The following COG5 variants were observed in gnomAD, a reference collection of about 807,000 sequenced individuals.
COG5 encodes the protein conserved oligomeric Golgi complex subunit 5.
Under a neutral mutation model 110.4 loss-of-function variants are expected in COG5, and 86 were observed. The observed-to-expected ratio is 0.78, with a 90% CI of 0.65 to 0.93. The LOEUF (loss-of-function observed/expected upper bound fraction) is 0.93. Ranked by LOEUF, COG5 falls within the 40% of genes least tolerant of loss-of-function variation. COG5 has a pLI of 0.00. For missense variants in COG5, 1,077 were observed against 987.0 expected (o/e 1.09, Z -1.22); for synonymous variants, 360 against 334.6 (o/e 1.08, Z -0.83).
rs543844999 is a variant in COG5, at chr7:107,525,459, G to C, written c.538+1778C>G. ...GTGCACAGATATTAAATGTGATAGA[G>C]CAAAACAGTGGCTGATACTTGGATT... On this transcript the variant is annotated intron_variant, in intron 6 of 21. Transcript: ENST00000297135. Among the ~76,000 whole-genome samples, 5 of 152,146 alleles carry C rather than the reference G, an allele frequency of 3.3e-5. No homozygotes were observed. In the East Asian group the frequency reaches 5.8e-4, roughly 18 times the overall value.
At chr7:107,355,993 T>C (rs1021577443) in intron 10 of COG5, among the ~76,000 whole-genome samples, 3 of 152,236 alleles carry the variant, frequency 2.0e-5, no homozygotes, top group East Asian at 1.9e-4. Context: ...TATAGTCCCA[T>C]GGTTCTTGCA....
intron 10 of COG5, among the ~76,000 whole-genome samples, chr7:107,353,492 A>G (rs909043136): frequency 6.6e-6 from 1 of 152,122 alleles, no homozygotes; most frequent in East Asian, 1.9e-4. Flanking sequence ...TTAAAATGCC[A>G]AAATAATATG....
intron 17 of COG5, among the ~76,000 whole-genome samples, chr7:107,238,123 CT>C (rs1801342009): frequency 6.6e-6 from 1 of 152,132 alleles, no homozygotes; most frequent in African/African-American, 2.4e-5. Flanking sequence ...CTAACTGCAA[CT>C]TTGTACCCTT....
intron 19 of COG5, among the ~76,000 whole-genome samples, chr7:107,227,266 T>C (rs1800408874): frequency 6.6e-6 from 1 of 152,188 alleles, no homozygotes; most frequent in Admixed American, 6.5e-5. Context: ...ACCATACATA[T>C]GGGTGTCCAT....
chr7:107,277,452 C>G (rs762970387), intron 14 of COG5, among the ~76,000 whole-genome samples: 1 of 152,096 alleles, frequency 6.6e-6, no homozygotes, highest in Non-Finnish European at 1.5e-5. Flanking sequence ...AACAAGAGAA[C>G]AACAACAGTG....
intron 6 of COG5, among the ~76,000 whole-genome samples, chr7:107,428,262 G>T (rs990959235): frequency 6.6e-6 from 1 of 152,114 alleles, no homozygotes; most frequent in Non-Finnish European, 1.5e-5. Flanking sequence ...TGTCTGCTTA[G>T]GATTTGTCTG....
In COG5 at chr7:107,202,739, A is replaced by C. The variant is rs1252736959; in HGVS notation, c.*777T>G. On this transcript the variant is annotated 3_prime_UTR_variant, in exon 22 of 22. Coordinates refer to ENST00000297135, the MANE Select transcript of COG5 (RefSeq NM_006348.5). ...AAAATAAGGACTTAGATTATCTACT[A>C]TTTATAGAGAATTGCTATACAATAA... The C allele has an allele frequency of 2.6e-5, 4 of 152,180 alleles. No homozygotes were observed. Among genetic ancestry groups the C allele is most frequent in the Admixed American group, 1.3e-4 (2 of 15,284 alleles). The allele number at this position is 152,180 out of a possible 1,614,324, so 9.4% of individuals were successfully genotyped here.
chr7:107,352,201 T>C lies in COG5; in HGVS notation c.1026+9832A>G, dbSNP rs535176648. On this transcript the variant is annotated intron_variant, in intron 10 of 21. Transcript: ENST00000297135. ...GGAAACCATCATTCTCAGCAAACTA[T>C]CTCAAGGACAAAAAACCAAACACCG... 7.5e-5 allele frequency among the ~76,000 whole-genome samples: 11 copies of C among 146,510 alleles called. 1 individual carries two copies. The East Asian group carries it at 1.0e-3, about 14-fold the overall frequency.
intron 11 of COG5, among the ~76,000 whole-genome samples, chr7:107,302,773 T>C (rs1233173402): frequency 6.6e-6 from 1 of 152,134 alleles, no homozygotes; most frequent in Non-Finnish European, 1.5e-5. Context: ...ACTACAAAAG[T>C]AGTAGTTTCT....
chr7:107,209,718 C>T lies in COG5; in HGVS notation c.2375+808G>A, dbSNP rs145798316. The stretch of plus-strand genomic sequence containing the variant: ...GCTCTGAGAGGACAGGGCCATATCT[C>T]GGCTTACTTCGTATCCTCGGTTCCT... On this transcript the variant is annotated intron_variant, in intron 21 of 21. Transcript: ENST00000297135. 2,750 of 668,094 alleles carry T rather than the reference C, an allele frequency of 4.1e-3. 9 individuals are homozygous for T. Among genetic ancestry groups the T allele is most frequent in the Non-Finnish European group, 4.7e-3 (2,555 of 540,508 alleles). The allele number at this position is 668,094 out of a possible 1,614,324, so 41.4% of individuals were successfully genotyped here.
chr7:107,371,251 T>TTA (rs1045577299), intron 8 of COG5, among the ~76,000 whole-genome samples: 2 of 152,032 alleles, frequency 1.3e-5, no homozygotes, highest in Non-Finnish European at 2.9e-5. Context: ...AACTTAAAAG[T>TTA]TATATATATT....
chr7:107,341,516 A>G (rs1395477487), intron 10 of COG5, among the ~76,000 whole-genome samples: 2 of 152,190 alleles, frequency 1.3e-5, no homozygotes, highest in Non-Finnish European at 2.9e-5. Context: ...ACAAAATTAG[A>G]AAAAAGTATT....
At chr7:107,320,480 G>A (rs898104873) in intron 11 of COG5, among the ~76,000 whole-genome samples, 2 of 152,120 alleles carry the variant, frequency 1.3e-5, no homozygotes, top group Admixed American at 1.3e-4. Context: ...ATATAATCTT[G>A]TTTTGTTCGA....
intron 6 of COG5, among the ~76,000 whole-genome samples, chr7:107,425,333 ACT>A (rs1203381010): frequency 3.4e-5 from 5 of 146,250 alleles, no homozygotes; most frequent in African/African-American, 7.5e-5. Context: ...CAGGGGTGAG[ACT>A]CTGTCTCCAA....
intron 10 of COG5, among the ~76,000 whole-genome samples, chr7:107,358,278 A>C (rs547460917): frequency 1.6e-4 from 25 of 152,346 alleles, no homozygotes; most frequent in African/African-American, 6.0e-4. Context: ...CATAAAGACT[A>C]AATAGATTCA....
intron 17 of COG5, 58 bp from the exon 18 acceptor site, chr7:107,236,745 T>A: frequency 1.9e-6 from 2 of 1,080,548 alleles, no homozygotes; most frequent in South Asian, 1.3e-5. Flanking sequence ...ACTCTTTGAT[T>A]TTGTACCCCT....
chr7:107,562,031 T>C (rs149427855), intron 1 of COG5, among the ~76,000 whole-genome samples: 52 of 151,534 alleles, frequency 3.4e-4, no homozygotes, highest in African/African-American at 9.7e-4. Flanking sequence ...TCCGTTGCAA[T>C]TGAAAAGGCA....
chr7:107,537,286 AC>A (rs1801650627), intron 5 of COG5, among the ~76,000 whole-genome samples: 1 of 152,212 alleles, frequency 6.6e-6, no homozygotes, highest in African/African-American at 2.4e-5. Flanking sequence ...AGATACACAC[AC>A]ACGTATGTTT....
intron 6 of COG5, among the ~76,000 whole-genome samples, chr7:107,523,152 T>C (rs2129153420): frequency 6.6e-6 from 1 of 152,308 alleles, no homozygotes; most frequent in East Asian, 1.9e-4. Flanking sequence ...TGAACAACAT[T>C]GACTGATTGA....
Sources: allele counts gnomAD v4.1 joint callset (sites outside exome capture counted in the v4.1 genomes callset), GRCh38; gene constraint gnomAD v4.1.1; transcripts MANE v1.5; gene names NCBI Gene and HGNC (gene_info 2026-07-23, HGNC 2026-07-21).